FOXN3: variants seen among roughly 807,000 people sequenced by gnomAD.
FOXN3 encodes the protein forkhead box N3, also known as forkhead box protein N3.
FOXN3 carries 7 observed loss-of-function variants against 38.4 expected under a neutral mutation model. The observed-to-expected ratio is 0.18, with a 90% confidence interval of 0.10 to 0.34. The LOEUF is 0.34. FOXN3 is among the 10% of genes least tolerant of loss of function. The pLI is 1.00. For synonymous variants in FOXN3, 230 were observed against 242.2 expected (o/e 0.95, Z 0.47); for missense variants, 456 against 613.4 (o/e 0.74, Z 2.71).
At chr14:89,285,730 TAC>T (rs1171899093) in intron 3 of FOXN3, among the ~76,000 whole-genome samples, 2 of 151,844 alleles carry the variant, frequency 1.3e-5, no homozygotes, top group Non-Finnish European at 2.9e-5. Flanking sequence ...GTTTAATCGG[TAC>T]AGAGGTTCAG....
chr14:89,196,087 C>A (rs1468747899), intron 4 of FOXN3, among the ~76,000 whole-genome samples: 1 of 152,192 alleles, frequency 6.6e-6, no homozygotes, highest in Non-Finnish European at 1.5e-5. Flanking sequence ...CAATTTTCAT[C>A]TTTAATGTAG....
chr14:89,374,730 G>C (rs1890420941), intron 2 of FOXN3, among the ~76,000 whole-genome samples: 1 of 151,994 alleles, frequency 6.6e-6, no homozygotes, highest in South Asian at 2.1e-4. Context: ...CCAGCACTTT[G>C]GGAGGCTGAG....
At chr14:89,496,114 G>A (rs1326530048) in intron 1 of FOXN3, among the ~76,000 whole-genome samples, 2 of 152,184 alleles carry the variant, frequency 1.3e-5, no homozygotes, top group Admixed American at 6.5e-5. Context: ...TCGGGAGGCT[G>A]AGGCAGGCGA....
intron 1 of FOXN3, among the ~76,000 whole-genome samples, chr14:89,611,584 A>G (rs1896389773): frequency 1.3e-5 from 2 of 152,180 alleles, no homozygotes; most frequent in Non-Finnish European, 2.9e-5. Context: ...AGGCGGGCGG[A>G]TCACAAGGTC....
At chr14:89,404,675 G>A (rs1374829014) in intron 2 of FOXN3, among the ~76,000 whole-genome samples, 2 of 151,990 alleles carry the variant, frequency 1.3e-5, no homozygotes. Flanking sequence ...CTTCTGAGGT[G>A]ACATAGCCTA....
chr14:89,524,596 G>A (rs1287323), intron 1 of FOXN3, among the ~76,000 whole-genome samples: 58,751 of 151,104 alleles, frequency 0.39, 11,849 homozygotes, highest in East Asian at 0.6. Context: ...GAATACAACA[G>A]ATGACAAATA....
rs1888928526 is a variant in FOXN3, at chr14:89,350,543, A to C, written c.680+129T>G. Reference sequence around the variant, plus strand: ...GTGGATATGCCTCCTAATAATACTTAATTTCTTTCTCATTTACCTGCAGTT... The same window carrying C: ...GTGGATATGCCTCCTAATAATACTTCATTTCTTTCTCATTTACCTGCAGTT... On this transcript the variant is annotated intron_variant, in intron 3 of 5. Coordinates refer to ENST00000557258, the MANE Select transcript of FOXN3 (RefSeq NM_005197.4). 1.0e-5 allele frequency: 8 copies of C among 795,386 alleles called. No individual in the cohort carries two copies. The East Asian group carries it at 2.4e-4, about 24-fold the overall frequency. The allele number at this position is 795,386 out of a possible 1,614,324, so 49.3% of individuals were successfully genotyped here.
At chr14:89,211,181 C>A (rs770584717) in intron 4 of FOXN3, among the ~76,000 whole-genome samples, 1 of 152,226 alleles carries the variant, frequency 6.6e-6, no homozygotes, top group South Asian at 2.1e-4. Context: ...GCAGTTTTTA[C>A]TTCTGGAGGG....
At chr14:89,227,904 G>T (rs1884691858) in intron 4 of FOXN3, among the ~76,000 whole-genome samples, 1 of 152,178 alleles carries the variant, frequency 6.6e-6, no homozygotes, top group Admixed American at 6.5e-5. Context: ...ACAACCTTAT[G>T]AGCTTAAAGG....
chr14:89,419,105 G>C (rs1180487933), upstream of FOXN3: 1 of 455,942 alleles, frequency 2.2e-6, no homozygotes, highest in Non-Finnish European at 4.4e-6. Context: ...TTCCATGTGT[G>C]TTTTTGCTTC....
intron 1 of FOXN3, among the ~76,000 whole-genome samples, chr14:89,414,069 C>T (rs1043029965): frequency 1.3e-5 from 2 of 152,058 alleles, no homozygotes; most frequent in Non-Finnish European, 2.9e-5. Context: ...AATCCCATCA[C>T]TTTGGGAGTC....
Position 89,350,658 on chromosome 14 carries a change from T to C in FOXN3, c.680+14A>G. 6.6e-7 allele frequency: 1 copy of C among 1,505,570 alleles called. No individual in the cohort carries two copies. The highest frequency in any genetic ancestry group is 8.8e-7 in the Non-Finnish European group (1 of 1,130,934). The allele number at this position is 1,505,570 out of a possible 1,614,324, so 93.3% of individuals were successfully genotyped here. A position where few individuals can be genotyped will look rare whatever the true frequency, so the allele number is the denominator to read the frequency against. ...ATTTCAGTAGACCAAAAAAAAGAAG[T>C]CTGAATTGCTTACCTTTGATATGCC... On this transcript the variant is annotated intron_variant, in intron 3 of 5. Coordinates refer to ENST00000557258, the MANE Select transcript of FOXN3 (RefSeq NM_005197.4).
intron 3 of FOXN3, among the ~76,000 whole-genome samples, chr14:89,340,177 C>T (rs1888577300): frequency 6.6e-6 from 1 of 152,076 alleles, no homozygotes; most frequent in Non-Finnish European, 1.5e-5. Context: ...ATGTGTTTTT[C>T]CCATTCATTT....
intron 2 of FOXN3, among the ~76,000 whole-genome samples, chr14:89,364,237 T>A (rs1389148125): frequency 7.3e-6 from 1 of 137,558 alleles, no homozygotes; most frequent in East Asian, 2.1e-4. Context: ...GATCGACAAT[T>A]ACTCCAGCAG....
chr14:89,195,800 C>T (rs936680772), intron 4 of FOXN3, among the ~76,000 whole-genome samples: 5 of 152,148 alleles, frequency 3.3e-5, no homozygotes, highest in East Asian at 3.9e-4. Context: ...AAGCAAGTGC[C>T]ACCTTTTAAA....
chr14:89,257,064 AC>A (rs1159379280), intron 4 of FOXN3, among the ~76,000 whole-genome samples: 1 of 152,228 alleles, frequency 6.6e-6, no homozygotes, highest in Non-Finnish European at 1.5e-5. Flanking sequence ...TAGCTGGAAA[AC>A]AAACCCCTCC....
At chr14:89,464,923 C>G (rs1370597590) in intron 1 of FOXN3, among the ~76,000 whole-genome samples, 1 of 152,140 alleles carries the variant, frequency 6.6e-6, no homozygotes, top group Non-Finnish European at 1.5e-5. Flanking sequence ...GTCTCGAACA[C>G]CTGACCTCGT....
chr14:89,176,485 C>A (rs768205910), intron 5 of FOXN3, among the ~76,000 whole-genome samples: 2 of 152,164 alleles, frequency 1.3e-5, no homozygotes, highest in African/African-American at 4.8e-5. Context: ...ATGACTCTCC[C>A]GCCCTCCCTG....
intron 1 of FOXN3, among the ~76,000 whole-genome samples, chr14:89,492,552 A>G (rs1439175100): frequency 6.6e-6 from 1 of 152,176 alleles, no homozygotes; most frequent in Non-Finnish European, 1.5e-5. Flanking sequence ...TGGAAAATAT[A>G]GTGAGGTCTT....
Sources: allele counts gnomAD v4.1 joint callset (sites outside exome capture counted in the v4.1 genomes callset), GRCh38; gene constraint gnomAD v4.1.1; transcripts MANE v1.5; gene names NCBI Gene and HGNC (gene_info 2026-07-23, HGNC 2026-07-21).